Variants in LRTM3 observed in about 807,000 individuals in gnomAD.
LRTM3 encodes the protein leucine-rich repeat transmembrane protein 3.
At chr13:102,737,626 T>G in the LRTM3 span, 1 of 1,550,678 alleles carries the variant, frequency 6.4e-7, no homozygotes, top group Non-Finnish European at 8.7e-7. Flanking sequence ...CTTTCAGATC[T>G]TTGTCTTCTG....
At chr13:102,749,093 T>A in the LRTM3 span, 1 of 1,548,128 alleles carries the variant, frequency 6.5e-7, no homozygotes, top group East Asian at 2.4e-5. Flanking sequence ...ATCTGATATA[T>A]CTTTCCTTTC....
At chr13:102,733,996 C>T in the LRTM3 span, 2 of 1,551,284 alleles carry the variant, frequency 1.3e-6, no homozygotes, top group Non-Finnish European at 1.7e-6. Context: ...CTGTTTTGTT[C>T]CCTGAATCCA....
chr13:102,756,218 C>T, the LRTM3 span, among the ~76,000 whole-genome samples: 1 of 150,240 alleles, frequency 6.7e-6, no homozygotes, highest in Non-Finnish European at 1.5e-5. Flanking sequence ...TCCCAAAATG[C>T]TGGGATTACA....
the LRTM3 span, among the ~76,000 whole-genome samples, chr13:102,755,968 T>TTTTTTTTC: frequency 1.1e-5 from 1 of 95,052 alleles, no homozygotes; most frequent in African/African-American, 3.4e-5. Flanking sequence ...TATATTTTTT[T>TTTTTTTTC]TTTTTCCTTT....
the LRTM3 span, chr13:102,733,137 T>G: frequency 3.2e-6 from 5 of 1,551,484 alleles, no homozygotes; most frequent in Non-Finnish European, 4.4e-6. Flanking sequence ...AGGGGAAACT[T>G]AGAAAGGATA....
At chr13:102,754,765 C>A in the LRTM3 span, among the ~76,000 whole-genome samples, 2 of 152,132 alleles carry the variant, frequency 1.3e-5, no homozygotes, top group Non-Finnish European at 2.9e-5. Flanking sequence ...ATTTTAAAAA[C>A]AACTCCTCAT....
At chr13:102,743,496 G>T in the LRTM3 span, 1 of 1,548,626 alleles carries the variant, frequency 6.5e-7, no homozygotes, top group Non-Finnish European at 8.7e-7. Flanking sequence ...TGTGAAATTG[G>T]TGGTTTCTTT....
chr13:102,735,242 G>A, the LRTM3 span: 1 of 1,551,230 alleles, frequency 6.4e-7, no homozygotes, highest in Non-Finnish European at 8.7e-7. Flanking sequence ...CAGTACACTG[G>A]TCATATCCGC....
the LRTM3 span, chr13:102,740,609 C>T: frequency 1.3e-6 from 2 of 1,548,622 alleles, no homozygotes; most frequent in African/African-American, 1.4e-5. Context: ...CACTGCTTCT[C>T]TTGTCTGTGA....
chr13:102,750,393 A>T, the LRTM3 span: 1 of 1,425,098 alleles, frequency 7.0e-7, no homozygotes, highest in Non-Finnish European at 9.5e-7. Flanking sequence ...CCAACTCTGA[A>T]ATATAAGAAA....
At chr13:102,747,535 G>A in the LRTM3 span, 2 of 1,550,770 alleles carry the variant, frequency 1.3e-6, no homozygotes, top group South Asian at 1.2e-5. Context: ...AAGACCCCAG[G>A]GCAACTGCAG....
At chr13:102,739,395 C>G in the LRTM3 span, 1 of 1,550,350 alleles carries the variant, frequency 6.5e-7, no homozygotes, top group African/African-American at 1.4e-5. Context: ...GCAGATGATA[C>G]TCTTCTGGCA....
chr13:102,735,261 C>G, the LRTM3 span: 2 of 1,551,318 alleles, frequency 1.3e-6, no homozygotes, highest in East Asian at 2.4e-5. Context: ...GCAACTTTTT[C>G]TCTATCCTTC....
chr13:102,735,641 A>G, the LRTM3 span: 3 of 1,551,136 alleles, frequency 1.9e-6, no homozygotes, highest in Non-Finnish European at 2.6e-6. Context: ...TTCCATATCT[A>G]TTCTGAGTCC....
the LRTM3 span, among the ~76,000 whole-genome samples, chr13:102,757,343 T>A: frequency 2.3e-5 from 3 of 129,378 alleles, no homozygotes; most frequent in Admixed American, 7.5e-5. Flanking sequence ...TAGACGAACA[T>A]CAAGTAATCC....
chr13:102,731,843 T>C, the LRTM3 span: 2 of 1,549,770 alleles, frequency 1.3e-6, no homozygotes, highest in East Asian at 4.9e-5. Context: ...CTTTGGATCT[T>C]CAAGCATAGA....
the LRTM3 span, chr13:102,745,257 C>G: frequency 7.4e-5 from 115 of 1,550,766 alleles, no homozygotes; most frequent in East Asian, 2.7e-3. Context: ...TCTTCTTGCT[C>G]TTCATCTTGA....
At chr13:102,748,994 C>T in the LRTM3 span, 1 of 1,550,796 alleles carries the variant, frequency 6.4e-7, no homozygotes, top group South Asian at 1.2e-5. Context: ...TTTTATTAAA[C>T]CCGGCATGAC....
chr13:102,745,889 T>G, the LRTM3 span: 1 of 1,551,202 alleles, frequency 6.4e-7, no homozygotes, highest in Non-Finnish European at 8.7e-7. Context: ...AAAATGTGTT[T>G]GTGGTTGTAC....
Sources: gnomAD v4.1 joint callset for allele counts (sites outside exome capture counted in the v4.1 genomes callset) on GRCh38, gnomAD v4.1.1 for gene constraint, MANE v1.5 for transcripts, NCBI Gene and HGNC (gene_info 2026-07-23, HGNC 2026-07-21) for gene names.